Variants in ZSCAN5A observed in about 807,000 individuals in gnomAD.
ZSCAN5A encodes the protein zinc finger and SCAN domain-containing protein 5A.
A neutral mutation model predicts 23.7 loss-of-function variants in ZSCAN5A; 12 were observed. The ratio of observed to expected loss-of-function variants is 0.51; its 90% CI spans 0.32 to 0.82. The LOEUF is 0.82. Ranked by LOEUF, ZSCAN5A falls within the 40% of genes least tolerant of loss-of-function variation. ZSCAN5A has a pLI of 0.03. For missense variants in ZSCAN5A, 597 were observed against 617.9 expected (o/e 0.97, Z 0.36); for synonymous variants, 257 against 239.9 (o/e 1.07, Z -0.66).
intron 2 of ZSCAN5A, chr19:56,228,477 T>G (rs765963528): frequency 3.0e-5 from 29 of 973,254 alleles, no homozygotes; most frequent in African/African-American, 7.0e-5. Flanking sequence ...GTACTAAACA[T>G]GCCTACTGTG....
chr19:56,312,607 G>C (rs2041108637), intron 2 of ZSCAN5A: 1 of 152,216 alleles, frequency 6.6e-6, no homozygotes, highest in Non-Finnish European at 1.5e-5. Flanking sequence ...ATAAAGTCTG[G>C]CGTTAACAGT....
Position 56,222,666 on chromosome 19 carries a change from C to T in ZSCAN5A, c.664G>A (p.Glu222Lys). 6.2e-7 allele frequency: 1 copy of T among 1,614,190 alleles called. No individual in the cohort carries two copies. The highest frequency in any genetic ancestry group is 8.5e-7 in the Non-Finnish European group (1 of 1,180,032). ...TCCCTGTTTTCCTTCAGATCCTTCT[C>T]CAAGGTCTGCTTGGGTCTCAGAGAC... is the stretch of plus-strand genomic sequence containing the variant. Reference protein sequence around the residue: ...PKSLRPKQTLEKDLKENREEN... With the variant: ...PKSLRPKQTLKKDLKENREEN... The change falls in exon 5 of 6, where the codon GAG becomes AAG. Residue 222 changes from glutamate (E) to lysine (K), a missense_variant. Transcript: ENST00000683990.
rs563166448 is a variant in ZSCAN5A, at chr19:56,223,167, T to C, written c.589-426A>G. 1.8e-3 allele frequency among the ~76,000 whole-genome samples: 281 copies of C among 152,186 alleles called. 2 individuals are homozygous for C. The highest frequency in any genetic ancestry group is 0.014 in the Middle Eastern group (4 of 294). On this transcript the variant is annotated intron_variant, in intron 4 of 5. Coordinates refer to ENST00000683990, the MANE Select transcript of ZSCAN5A (RefSeq NM_001322064.3). ...CCCACCTCCACCCTCTAGATGCTAT[T>C]AACACCCCACCATCCCCTACAATGA...
chr19:56,318,384 A>G (rs1352034841), upstream of ZSCAN5A, among the ~76,000 whole-genome samples: 2 of 152,212 alleles, frequency 1.3e-5, no homozygotes, highest in Non-Finnish European at 2.9e-5. Flanking sequence ...TGGCCATAAA[A>G]CACCAAGACC....
At chr19:56,365,847 G>C (rs2041760545) in intron 1 of ZSCAN5A, 1 of 152,216 alleles carries the variant, frequency 6.6e-6, no homozygotes, top group East Asian at 1.9e-4. Flanking sequence ...AAAACTCCAA[G>C]AAGACCTTGC....
At chr19:56,255,644 C>T (rs761043791) in intron 2 of ZSCAN5A, among the ~76,000 whole-genome samples, 44 of 150,550 alleles carry the variant, frequency 2.9e-4, no homozygotes, top group Non-Finnish European at 6.1e-4. Context: ...AGCTGTTTTT[C>T]TTGCCAGCCC....
chr19:56,262,961 T>C (rs1198870690), intron 2 of ZSCAN5A, among the ~76,000 whole-genome samples: 2 of 152,226 alleles, frequency 1.3e-5, no homozygotes, highest in Non-Finnish European at 2.9e-5. Flanking sequence ...ACAATACTTT[T>C]TTAAAAACAA....
At chr19:56,262,143 G>C (rs2037167475) in intron 2 of ZSCAN5A, among the ~76,000 whole-genome samples, 1 of 151,622 alleles carries the variant, frequency 6.6e-6, no homozygotes, top group South Asian at 2.1e-4. Flanking sequence ...TCAGCGTCCT[G>C]AGTAGCTGGG....
intron 2 of ZSCAN5A, chr19:56,322,112 T>C (rs1158513993): frequency 1.3e-6 from 1 of 760,238 alleles, no homozygotes; most frequent in Non-Finnish European, 2.4e-6. Flanking sequence ...AATTCAGATA[T>C]ATTTTTGCAA....
At chr19:56,357,456 C>T (rs2041706587) in intron 2 of ZSCAN5A, among the ~76,000 whole-genome samples, 1 of 147,858 alleles carries the variant, frequency 6.8e-6, no homozygotes, top group Non-Finnish European at 1.5e-5. Context: ...TCCCTCACCC[C>T]AAACCTTCAC....
chr19:56,258,636 G>T (rs2036903196), intron 2 of ZSCAN5A, among the ~76,000 whole-genome samples: 1 of 152,244 alleles, frequency 6.6e-6, no homozygotes, highest in African/African-American at 2.4e-5. Flanking sequence ...CCGGTGTAGG[G>T]GGTAACAGAC....
chr19:56,345,402 A>C (rs1257385874), intron 2 of ZSCAN5A, among the ~76,000 whole-genome samples: 1 of 152,122 alleles, frequency 6.6e-6, no homozygotes, highest in African/African-American at 2.4e-5. Flanking sequence ...ATTCACAAAA[A>C]CCTTCTTTTT....
intron 2 of ZSCAN5A, among the ~76,000 whole-genome samples, chr19:56,264,669 A>G (rs2037345960): frequency 6.6e-6 from 1 of 152,216 alleles, no homozygotes; most frequent in South Asian, 2.1e-4. Flanking sequence ...CCCCTTGCTT[A>G]TGTATTGTCT....
At chr19:56,265,176 T>C (rs777422928) in intron 2 of ZSCAN5A, among the ~76,000 whole-genome samples, 4 of 151,630 alleles carry the variant, frequency 2.6e-5, no homozygotes, top group Admixed American at 1.3e-4. Context: ...TGTTGAGCCA[T>C]GGAAGGATTT....
intron 2 of ZSCAN5A, chr19:56,297,718 A>G (rs117533641): frequency 1.8e-3 from 277 of 155,942 alleles, no homozygotes; most frequent in Non-Finnish European, 3.3e-3. Context: ...CACACTGCTC[A>G]TGGGCATCGA....
chr19:56,242,297 C>T (rs1390643836), intron 2 of ZSCAN5A, among the ~76,000 whole-genome samples: 1 of 152,168 alleles, frequency 6.6e-6, no homozygotes, highest in African/African-American at 2.4e-5. Context: ...ATGACGAGCA[C>T]CTTTTCCTAG....
chr19:56,230,996 T>C (rs2034416152), intron 2 of ZSCAN5A, among the ~76,000 whole-genome samples: 1 of 152,130 alleles, frequency 6.6e-6, no homozygotes, highest in African/African-American at 2.4e-5. Context: ...CGTACACAGC[T>C]GAAAGCAGAA....
At chr19:56,265,404 C>G (rs1289451401) in intron 2 of ZSCAN5A, among the ~76,000 whole-genome samples, 1 of 149,680 alleles carries the variant, frequency 6.7e-6, no homozygotes, top group Non-Finnish European at 1.5e-5. Flanking sequence ...TGTAAGCAAG[C>G]AGTAAGGCTT....
At chr19:56,368,018 C>G (rs1178019795) in intron 1 of ZSCAN5A, 1 of 152,332 alleles carries the variant, frequency 6.6e-6, no homozygotes, top group Non-Finnish European at 1.5e-5. Flanking sequence ...GAACCTGGTA[C>G]TGATATACGC....
Sources: gnomAD v4.1 joint callset for allele counts (sites outside exome capture counted in the v4.1 genomes callset) on GRCh38, gnomAD v4.1.1 for gene constraint, MANE v1.5 for transcripts, NCBI Gene and HGNC (gene_info 2026-07-23, HGNC 2026-07-21) for gene names.